Variants in ZWILCH observed in about 807,000 individuals in gnomAD.
ZWILCH encodes zwilch kinetochore protein.
ZWILCH carries 74 observed loss-of-function variants against 79.9 expected under a neutral mutation model. That is an observed-to-expected ratio of 0.93 (90% CI 0.77 to 1.12). ZWILCH has a LOEUF of 1.12. Among genes scored for constraint, ZWILCH ranks in the 50% most tolerant of loss-of-function variants. The pLI, the probability that ZWILCH is intolerant of heterozygous loss-of-function variation, is 0.00. For missense variants in ZWILCH, 694 were observed against 687.5 expected, an observed-to-expected ratio of 1.01 and a Z score of -0.11; for synonymous variants, 241 against 228.2, an observed-to-expected ratio of 1.06 and a Z score of -0.51.
intron 7 of ZWILCH, among the ~76,000 whole-genome samples, chr15:66,522,573 G>T (rs1894536619): frequency 6.6e-6 from 1 of 151,756 alleles, no homozygotes; most frequent in African/African-American, 2.4e-5. Flanking sequence ...ATCCCAAAGT[G>T]CTGGGATTAC....
At chr15:66,509,088 T>C (rs563673602) in intron 2 of ZWILCH, among the ~76,000 whole-genome samples, 196 bp downstream of exon 2, 45 of 152,224 alleles carry the variant, frequency 3.0e-4, no homozygotes, top group East Asian at 1.4e-3. Flanking sequence ...TACAGGTGCC[T>C]GCCACCACGC....
chr15:66,526,447 C>T (rs939907135), intron 8 of ZWILCH, among the ~76,000 whole-genome samples: 2 of 151,704 alleles, frequency 1.3e-5, no homozygotes, highest in Non-Finnish European at 2.9e-5. Context: ...CTGGCTTTTG[C>T]GGCCTAACTT....
In ZWILCH at chr15:66,540,220, GT is replaced by G; in HGVS notation, c.1687+13del. 1 of 1,584,514 alleles carries G rather than the reference GT, an allele frequency of 6.3e-7. No homozygotes were observed. The highest frequency in any genetic ancestry group is 8.7e-7 in the Non-Finnish European group (1 of 1,155,388). On this transcript the variant is annotated intron_variant, in intron 17 of 18. Coordinates refer to ENST00000307897, the MANE Select transcript of ZWILCH (RefSeq NM_017975.5). ...AATTTTCACAAACCTGGTAAAGATG[GT>G]TTATAATCTGTTCAGATAAATAATT...
rs114275868 is a variant in ZWILCH at position 66,543,181 on chromosome 15, G to A, written c.1687+2971G>A. On this transcript the variant is annotated intron_variant, in intron 17 of 18. Coordinates refer to ENST00000307897, the MANE Select transcript of ZWILCH (RefSeq NM_017975.5). ...GCTCTTGCACTTCAGCCTGGGTGGC[G>A]GAGCAAGACTCCATCTCAAAAAATA... Among the ~76,000 whole-genome samples, 983 of 152,014 alleles carry A rather than the reference G, an allele frequency of 6.5e-3. 9 individuals are homozygous for A. Among genetic ancestry groups the A allele is most frequent in the African/African-American group, 0.023 (942 of 41,482 alleles).
At chr15:66,526,064 A>G (rs1894663857) in intron 8 of ZWILCH, among the ~76,000 whole-genome samples, 1 of 151,830 alleles carries the variant, frequency 6.6e-6, no homozygotes, top group Non-Finnish European at 1.5e-5. Context: ...ATGCCCAACC[A>G]TCTTCACATT....
chr15:66,537,058 T>G (rs12439324), intron 15 of ZWILCH, 110 bp from the exon 16 acceptor site: 157,800 of 607,022 alleles, frequency 0.26, 21,522 homozygotes, highest in East Asian at 0.41. Flanking sequence ...CGCTGATGTT[T>G]TAGTTAGTAG....
Position 66,527,392 on chromosome 15 carries a change from C to G in ZWILCH, c.913+9C>G. Reference sequence around the variant, plus strand: ...TCAGGAATTTCTGAATGGTGTATTACTTGTTTTATTAATTGAGAATTTATA... The same window carrying G: ...TCAGGAATTTCTGAATGGTGTATTAGTTGTTTTATTAATTGAGAATTTATA... On this transcript the variant is annotated intron_variant, in intron 9 of 18. Transcript: ENST00000307897. The G allele has an allele frequency of 6.2e-7, 1 of 1,605,822 alleles. No homozygotes were observed. Among genetic ancestry groups the G allele is most frequent in the African/African-American group, 1.3e-5 (1 of 74,848 alleles).
chr15:66,528,968 A>G lies in ZWILCH; in HGVS notation c.1075+11A>G. 1.2e-6 allele frequency: 2 copies of G among 1,604,274 alleles called. No homozygotes were observed. The highest frequency in any genetic ancestry group is 1.7e-6 in the Non-Finnish European group (2 of 1,171,366). ...GCAAAATGAGCAGTAGTAGGTGTCC[A>G]TCATGATTTAAATTTTTCCTCTTAT... On this transcript the variant is annotated intron_variant, in intron 11 of 18. Coordinates refer to ENST00000307897, the MANE Select transcript of ZWILCH (RefSeq NM_017975.5).
chr15:66,511,486 C>G (rs1484923652), intron 2 of ZWILCH, among the ~76,000 whole-genome samples: 1 of 141,232 alleles, frequency 7.1e-6, no homozygotes, highest in East Asian at 2.2e-4. Flanking sequence ...GAGCGAGAGC[C>G]TGTCTTCCAA....
intron 2 of ZWILCH, 111 bp downstream of exon 2, chr15:66,509,003 G>A (rs906742291): frequency 4.0e-5 from 46 of 1,161,940 alleles, no homozygotes; most frequent in South Asian, 1.1e-4. Flanking sequence ...GCAGTGGCGC[G>A]ATCTCGGCTC....
At chr15:66,527,984 ATGT>A (rs1176842054) in intron 10 of ZWILCH, 72 bp downstream of exon 10, 2 of 1,288,478 alleles carry the variant, frequency 1.6e-6, no homozygotes, top group African/African-American at 3.1e-5. Flanking sequence ...GACATCTTTC[ATGT>A]TGTACCATCG....
Position 66,515,649 on chromosome 15 carries a change from G to T in ZWILCH, c.320+5G>T, listed in dbSNP as rs755391987. ...TTTACCAGTTGGGAAGGCAAGGTAG[G>T]TTTTCTCTTATGCTGAGTAGGGGTG... is the stretch of plus-strand genomic sequence containing the variant. On this transcript the variant is annotated splice_donor_5th_base_variant and intron_variant, in intron 4 of 18. Coordinates refer to ENST00000307897, the MANE Select transcript of ZWILCH (RefSeq NM_017975.5). The T allele has an allele frequency of 1.9e-6, 3 of 1,599,816 alleles. No homozygotes were observed. In the East Asian group the frequency reaches 6.7e-5, roughly 36 times the overall value.
chr15:66,518,772 C>T, intron 4 of ZWILCH, 107 bp from the exon 5 acceptor site: 7 of 1,047,174 alleles, frequency 6.7e-6, no homozygotes, highest in Non-Finnish European at 1.0e-5. Flanking sequence ...GATCGCACCA[C>T]TGCATTCCAG....
chr15:66,509,817 G>A (rs1156316722), intron 2 of ZWILCH, among the ~76,000 whole-genome samples: 2 of 119,990 alleles, frequency 1.7e-5, no homozygotes, highest in African/African-American at 3.2e-5. Flanking sequence ...GTGTGTGTGT[G>A]GCTACATATA....
Position 66,548,736 on chromosome 15 carries a change from T to C in ZWILCH, c.*412T>C, listed in dbSNP as rs538073487. 5.9e-6 allele frequency: 3 copies of C among 509,118 alleles called. No individual in the cohort carries two copies. In the South Asian group the frequency reaches 1.0e-4, roughly 18 times the overall value. 31.5% of individuals were successfully genotyped at this position (509,118 alleles called of 1,614,324 possible). A position where few individuals can be genotyped will look rare whatever the true frequency, so the allele number is the denominator to read the frequency against. ...GCATCCTCAAATTTTCTGATTCTTA[T>C]TTGCCATGAAATAGAACTTAGTAAA... is the stretch of plus-strand genomic sequence containing the variant. On this transcript the variant is annotated 3_prime_UTR_variant, in exon 19 of 19. Transcript: ENST00000307897.
chr15:66,508,728 T>A (rs1893917595), intron 1 of ZWILCH, 113 bp from the exon 2 acceptor site: 17 of 1,502,574 alleles, frequency 1.1e-5, no homozygotes, highest in South Asian at 1.3e-5. Context: ...AAGTACTTGC[T>A]TTTTGCCTTT....
At chr15:66,544,308 C>T (rs909839416) in intron 17 of ZWILCH, among the ~76,000 whole-genome samples, 2 of 151,380 alleles carry the variant, frequency 1.3e-5, no homozygotes, top group Non-Finnish European at 1.5e-5. Flanking sequence ...AAAGAAGAAA[C>T]GTATTTTATG....
At chr15:66,516,321 G>A (rs962132805) in intron 4 of ZWILCH, among the ~76,000 whole-genome samples, 18 of 152,118 alleles carry the variant, frequency 1.2e-4, no homozygotes, top group Admixed American at 6.6e-4. Context: ...GTGTAGCTAT[G>A]TACAGTTCCC....
intron 12 of ZWILCH, among the ~76,000 whole-genome samples, chr15:66,531,369 G>A (rs1894847123): frequency 6.6e-6 from 1 of 152,156 alleles, no homozygotes; most frequent in South Asian, 2.1e-4. Flanking sequence ...TCTCTTTGGT[G>A]GAATCGTATC....
Sources: allele counts gnomAD v4.1 joint callset (sites outside exome capture counted in the v4.1 genomes callset), GRCh38; gene constraint gnomAD v4.1.1; transcripts MANE v1.5; gene names NCBI Gene and HGNC (gene_info 2026-07-23, HGNC 2026-07-21).